Variants in MACROD2 observed in about 807,000 individuals in gnomAD.
MACROD2 encodes the protein mono-ADP ribosylhydrolase 2.
A neutral mutation model predicts 70.4 loss-of-function variants in MACROD2; 36 were observed. The observed-to-expected ratio is 0.51, with a 90% confidence interval of 0.39 to 0.68. MACROD2 has a LOEUF of 0.68. Among genes scored for constraint, MACROD2 ranks in the 30% least tolerant of loss-of-function variants. The pLI is 0.00. For synonymous variants in MACROD2, 172 were observed against 178.8 expected (o/e 0.96, Z 0.30); for missense variants, 496 against 538.4 (o/e 0.92, Z 0.78).
chr20:14,002,227 A>G, intron 1 of MACROD2, 61 bp from the exon 2 acceptor site: 3 of 1,130,208 alleles, frequency 2.7e-6, no homozygotes, highest in Non-Finnish European at 3.8e-6. Context: ...CTTAAAGTAT[A>G]AAAATAATTC....
At chr20:15,758,411 G>GT (rs35691526) in intron 8 of MACROD2, among the ~76,000 whole-genome samples, 20,118 of 148,772 alleles carry the variant, frequency 0.14, 1,401 homozygotes, top group Middle Eastern at 0.3. Context: ...GCTAATTTTT[G>GT]TTTTTTTTAG....
At chr20:14,960,410 T>C (rs2122765058) in intron 5 of MACROD2, among the ~76,000 whole-genome samples, 1 of 152,292 alleles carries the variant, frequency 6.6e-6, no homozygotes, top group South Asian at 2.1e-4. Flanking sequence ...GCTGTATATC[T>C]TGTTTTGAAA....
intron 8 of MACROD2, among the ~76,000 whole-genome samples, chr20:15,814,044 T>C (rs2063847592): frequency 6.6e-6 from 1 of 152,168 alleles, no homozygotes; most frequent in South Asian, 2.1e-4. Context: ...CCCTTTGCTC[T>C]GATACCCTTA....
At chr20:15,300,808 C>A (rs1314817503) in intron 6 of MACROD2, among the ~76,000 whole-genome samples, 1 of 152,126 alleles carries the variant, frequency 6.6e-6, no homozygotes, top group East Asian at 1.9e-4. Flanking sequence ...CAGGCTAATT[C>A]TGGATCAAAG....
At chr20:15,230,375 TA>T (rs1482735122) in intron 6 of MACROD2, among the ~76,000 whole-genome samples, 6 of 152,204 alleles carry the variant, frequency 3.9e-5, no homozygotes, top group African/African-American at 7.2e-5. Flanking sequence ...CCAGCAGATT[TA>T]AAGAAGGAAA....
At chr20:15,461,984 C>T (rs1600446719) in intron 7 of MACROD2, among the ~76,000 whole-genome samples, 1 of 152,132 alleles carries the variant, frequency 6.6e-6, no homozygotes, top group East Asian at 1.9e-4. Flanking sequence ...GCCTCATTTA[C>T]ATCTTTTATT....
rs539187923 is a variant in MACROD2 at position 14,057,952 on chromosome 20, A to G, written c.164-27669A>G. 1.2e-4 allele frequency among the ~76,000 whole-genome samples: 18 copies of G among 152,338 alleles called. No homozygotes were observed. The South Asian group carries it at 3.7e-3, about 32-fold the overall frequency. On this transcript the variant is annotated intron_variant, in intron 2 of 17. Coordinates refer to ENST00000684519, the MANE Select transcript of MACROD2 (RefSeq NM_001351661.2). ...ACTTACCGTGTATGATTCCCTATATAAAATTCAAAAGCAGGCAAAACTAGG... is the reference window on the plus strand; with the variant it reads ...ACTTACCGTGTATGATTCCCTATATGAAATTCAAAAGCAGGCAAAACTAGG...
At chr20:15,577,616 C>A (rs890342472) in intron 8 of MACROD2, among the ~76,000 whole-genome samples, 9 of 127,914 alleles carry the variant, frequency 7.0e-5, no homozygotes, top group Non-Finnish European at 1.3e-4. Flanking sequence ...CTTCTCCGTG[C>A]GTGCGTACTC....
intron 3 of MACROD2, among the ~76,000 whole-genome samples, chr20:14,116,340 G>A (rs1054042323): frequency 2.6e-5 from 4 of 152,260 alleles, no homozygotes; most frequent in African/African-American, 7.2e-5. Flanking sequence ...TGCGTTATCC[G>A]TTTACGTATC....
At chr20:14,705,165 C>T (rs750532605) in intron 5 of MACROD2, among the ~76,000 whole-genome samples, 3 of 152,056 alleles carry the variant, frequency 2.0e-5, no homozygotes, top group Non-Finnish European at 4.4e-5. Context: ...TAACTATCCT[C>T]CTCATGTTGT....
chr20:15,904,737 C>G (rs1009184409), intron 10 of MACROD2, among the ~76,000 whole-genome samples: 17 of 151,836 alleles, frequency 1.1e-4, no homozygotes, highest in South Asian at 2.1e-4. Context: ...AAAAATTAGC[C>G]GGGCGTGGTG....
At chr20:15,534,621 G>C (rs2047849326) in intron 8 of MACROD2, among the ~76,000 whole-genome samples, 1 of 152,118 alleles carries the variant, frequency 6.6e-6, no homozygotes, top group Non-Finnish European at 1.5e-5. Context: ...AGATATGAAG[G>C]TTGATAGATA....
At chr20:14,081,349 G>C (rs2053992016) in intron 2 of MACROD2, among the ~76,000 whole-genome samples, 1 of 152,000 alleles carries the variant, frequency 6.6e-6, no homozygotes, top group African/African-American at 2.4e-5. Context: ...TCTATACTGA[G>C]GTCTCTTTCC....
intron 8 of MACROD2, among the ~76,000 whole-genome samples, chr20:15,618,032 G>T (rs1034536718): frequency 6.6e-6 from 1 of 150,594 alleles, no homozygotes; most frequent in East Asian, 2.0e-4. Context: ...CGAGATGGGG[G>T]GTTTTTGATG....
At chr20:15,341,805 A>G (rs1009052342) in intron 6 of MACROD2, among the ~76,000 whole-genome samples, 13 of 152,186 alleles carry the variant, frequency 8.5e-5, no homozygotes, top group African/African-American at 2.9e-4. Context: ...AATCCCAGCT[A>G]TTAAGGAAGC....
At chr20:15,444,898 G>A (rs1277484519) in intron 7 of MACROD2, among the ~76,000 whole-genome samples, 1 of 151,764 alleles carries the variant, frequency 6.6e-6, no homozygotes, top group Non-Finnish European at 1.5e-5. Flanking sequence ...AAGATTAATT[G>A]GATAATGCAT....
intron 8 of MACROD2, among the ~76,000 whole-genome samples, chr20:15,822,756 CT>C (rs755458514): frequency 1.3e-5 from 2 of 151,998 alleles, no homozygotes; most frequent in Non-Finnish European, 2.9e-5. Flanking sequence ...TCAATCTGGC[CT>C]TTTGCGGGAG....
chr20:14,845,231 G>T (rs1488556642), intron 5 of MACROD2, among the ~76,000 whole-genome samples: 4 of 151,992 alleles, frequency 2.6e-5, no homozygotes, highest in African/African-American at 9.7e-5. Context: ...TTGAGGACAG[G>T]TTCTATGTCA....
At chr20:15,108,945 T>C (rs2075933338) in intron 5 of MACROD2, among the ~76,000 whole-genome samples, 1 of 152,048 alleles carries the variant, frequency 6.6e-6, no homozygotes. Context: ...TGTTCCACAG[T>C]CCAGATCTGC....
Sources: allele counts gnomAD v4.1 joint callset (sites outside exome capture counted in the v4.1 genomes callset), GRCh38; gene constraint gnomAD v4.1.1; transcripts MANE v1.5; gene names NCBI Gene and HGNC (gene_info 2026-07-23, HGNC 2026-07-21).